The following SLC39A14 variants were observed in gnomAD, a reference collection of about 807,000 sequenced individuals.
The protein encoded by SLC39A14 is metal cation symporter ZIP14.
Under a neutral mutation model 45.5 loss-of-function variants are expected in SLC39A14, and 19 were observed. That is an observed-to-expected ratio of 0.42 (90% confidence interval 0.29 to 0.61). The LOEUF is 0.61. Ranked by LOEUF, SLC39A14 falls within the 20% of genes least tolerant of loss-of-function variation. The pLI is 0.22. For missense variants in SLC39A14, 447 were observed against 616.5 expected (o/e 0.73, Z 2.91); for synonymous variants, 264 against 251.3 (o/e 1.05, Z -0.48).
At chr8:22,385,540 G>A (rs1359649313) in intron 1 of SLC39A14, among the ~76,000 whole-genome samples, 3 of 152,222 alleles carry the variant, frequency 2.0e-5, no homozygotes. Flanking sequence ...AATAGCAGGT[G>A]CAAAGGCTCT....
At chr8:22,406,935 A>G (rs1032842967) in intron 2 of SLC39A14, among the ~76,000 whole-genome samples, 2 of 152,176 alleles carry the variant, frequency 1.3e-5, no homozygotes, top group African/African-American at 4.8e-5. Context: ...TCTCAGAGAT[A>G]AGCCCATGTG....
chr8:22,401,543 C>CTTTTTTTTTTTTTTTTTT (rs71544899), intron 1 of SLC39A14, among the ~76,000 whole-genome samples: 4 of 84,054 alleles, frequency 4.8e-5, no homozygotes, highest in Non-Finnish European at 8.1e-5. Flanking sequence ...TCTTCTCTTT[C>CTTTTTTTTTTTTTTTTTT]TTTTTTTTTT....
intron 1 of SLC39A14, among the ~76,000 whole-genome samples, chr8:22,403,268 G>A (rs1040172495): frequency 2.7e-5 from 4 of 147,612 alleles, no homozygotes; most frequent in African/African-American, 4.9e-5. Context: ...GAGCCACTGC[G>A]CCCGGCCTAT....
intron 1 of SLC39A14, among the ~76,000 whole-genome samples, chr8:22,401,928 C>T (rs1353589111): frequency 1.3e-5 from 2 of 152,192 alleles, no homozygotes; most frequent in Non-Finnish European, 2.9e-5. Flanking sequence ...TTTATAGCTG[C>T]ATACTATTCC....
chr8:22,425,270 G>A (rs764542101), downstream of SLC39A14, among the ~76,000 whole-genome samples: 20 of 152,282 alleles, frequency 1.3e-4, no homozygotes, highest in Middle Eastern at 3.4e-3. Flanking sequence ...GATTAAAACC[G>A]TGACCTTAGC....
At chr8:22,423,757 G>A (rs371709724), downstream of SLC39A14, among the ~76,000 whole-genome samples, 30 of 110,562 alleles carry the variant, frequency 2.7e-4, no homozygotes, top group East Asian at 3.3e-3. Context: ...ATGAGCCACC[G>A]CGCCTGGCCT....
At position 22,421,971 on chromosome 8, in the gene SLC39A14, G is replaced by C. The variant is rs1358296629; in HGVS notation, c.*2273G>C. On this transcript the variant is annotated 3_prime_UTR_variant, in exon 9 of 9. Coordinates refer to ENST00000381237, the MANE Select transcript of SLC39A14 (RefSeq NM_001128431.4). ...GTAGTTGGCGCAGAGGTCAGTCCTA[G>C]TCGGAGCTTAGGAGGGGCGGAGACG... 1 of 985,350 alleles carries C rather than the reference G, an allele frequency of 1.0e-6. No homozygotes were observed. Among genetic ancestry groups the C allele is most frequent in the African/African-American group, 1.7e-5 (1 of 57,250 alleles). 61.0% of individuals were successfully genotyped at this position (985,350 alleles called of 1,614,324 possible).
intron 1 of SLC39A14, among the ~76,000 whole-genome samples, chr8:22,381,124 C>T (rs7017202): frequency 0.03 from 4,535 of 152,232 alleles, 212 homozygotes; most frequent in African/African-American, 0.1. Context: ...CAGGCGAGTG[C>T]CACCATGCCC....
At chr8:22,397,614 C>A (rs893230121) in intron 1 of SLC39A14, among the ~76,000 whole-genome samples, 1 of 152,096 alleles carries the variant, frequency 6.6e-6, no homozygotes. Flanking sequence ...AAGACCTCCT[C>A]CTTCCACCCT....
chr8:22,429,263 C>T (rs1836433422), intron 8 of SLC39A14, among the ~76,000 whole-genome samples: 1 of 152,140 alleles, frequency 6.6e-6, no homozygotes, highest in Admixed American at 6.5e-5. Flanking sequence ...CAGAGCCAGA[C>T]TCCGTCTCAA....
intron 4 of SLC39A14, among the ~76,000 whole-genome samples, chr8:22,414,056 C>T (rs190830080): frequency 4.6e-5 from 7 of 152,172 alleles, no homozygotes; most frequent in Non-Finnish European, 8.8e-5. Flanking sequence ...CATGAGCCAC[C>T]GTGCCCGGCC....
chr8:22,401,908 C>A lies in SLC39A14; in HGVS notation c.-15-2788C>A, dbSNP rs187829565. 1.1e-4 allele frequency among the ~76,000 whole-genome samples: 16 copies of A among 152,188 alleles called. No individual in the cohort carries two copies. In the East Asian group the frequency reaches 2.9e-3, roughly 28 times the overall value. ...CCCTGCTTTTTAACTTGCCGTTATG[C>A]CATGACTCATTTATAGCTGCATACT... On this transcript the variant is annotated intron_variant, in intron 1 of 8. Transcript: ENST00000381237.
chr8:22,375,036 G>A (rs1216757180), intron 1 of SLC39A14, among the ~76,000 whole-genome samples: 4 of 152,006 alleles, frequency 2.6e-5, no homozygotes, highest in East Asian at 1.9e-4. Context: ...GTGAGCCACC[G>A]CGCCTGGCCA....
intron 1 of SLC39A14, among the ~76,000 whole-genome samples, chr8:22,372,484 T>G (rs977951796): frequency 6.6e-6 from 1 of 152,190 alleles, no homozygotes; most frequent in African/African-American, 2.4e-5. Context: ...AACACACATA[T>G]CACCCTGTCT....
intron 1 of SLC39A14, among the ~76,000 whole-genome samples, chr8:22,384,914 G>A (rs910344045): frequency 1.3e-5 from 2 of 151,710 alleles, no homozygotes; most frequent in South Asian, 4.2e-4. Context: ...GCCTGGCATG[G>A]TAGCAGGCGC....
At chr8:22,419,463 A>G in intron 8 of SLC39A14, 89 bp from the exon 9 acceptor site, 4 of 1,349,860 alleles carry the variant, frequency 3.0e-6, no homozygotes, top group South Asian at 1.4e-5. Context: ...TTGTCAACCA[A>G]CCTGATCTAT....
At chr8:22,395,996 C>A (rs546021717) in intron 1 of SLC39A14, among the ~76,000 whole-genome samples, 31 of 152,220 alleles carry the variant, frequency 2.0e-4, no homozygotes, top group African/African-American at 5.5e-4. Context: ...TGGGTCTGTC[C>A]TCTATTCAGG....
chr8:22,416,573 T>C (rs752078172), intron 7 of SLC39A14, among the ~76,000 whole-genome samples: 14 of 151,682 alleles, frequency 9.2e-5, no homozygotes, highest in Non-Finnish European at 1.9e-4. Flanking sequence ...TACAGACGCC[T>C]GCCACCACAC....
At chr8:22,415,027 AT>A in intron 5 of SLC39A14, 125 bp downstream of exon 5, 1 of 1,181,042 alleles carries the variant, frequency 8.5e-7, no homozygotes, top group South Asian at 1.4e-5. Context: ...TGAAACTCTA[AT>A]TTCTTGAGGA....
Sources: allele counts gnomAD v4.1 joint callset (sites outside exome capture counted in the v4.1 genomes callset), GRCh38; gene constraint gnomAD v4.1.1; transcripts MANE v1.5; gene names NCBI Gene and HGNC (gene_info 2026-07-23, HGNC 2026-07-21).